RIN2: variants seen among roughly 807,000 people sequenced by gnomAD.
RIN2 encodes the protein RAB5 interacting protein 2.
A neutral mutation model predicts 78.0 loss-of-function variants in RIN2; 36 were observed. The ratio of observed to expected loss-of-function variants is 0.46; its 90% CI spans 0.35 to 0.61. The LOEUF is 0.61. Among genes scored for constraint, RIN2 ranks in the 20% least tolerant of loss-of-function variants. The probability of loss-of-function intolerance (pLI) is 0.00; values close to 1 mark genes in which losing one functional copy is unlikely to be tolerated. For missense variants in RIN2, 1,087 were observed against 1,159.7 expected (o/e 0.94, Z 0.91); for synonymous variants, 466 against 466.8 (o/e 1.00, Z 0.02).
chr20:19,792,091 G>C (rs2034904356), intron 1 of RIN2, among the ~76,000 whole-genome samples: 1 of 152,150 alleles, frequency 6.6e-6, no homozygotes, highest in African/African-American at 2.4e-5. Flanking sequence ...AGGCCAAGTG[G>C]ACAGTATGAG....
intron 2 of RIN2, among the ~76,000 whole-genome samples, chr20:19,844,656 T>TCTTCCTC (rs1555832256): frequency 7.2e-6 from 1 of 138,832 alleles, no homozygotes; most frequent in African/African-American, 2.8e-5. Flanking sequence ...TTCTTCTTCT[T>TCTTCCTC]CTTCTTCTTC....
intron 2 of RIN2, among the ~76,000 whole-genome samples, chr20:19,863,342 C>G (rs1208844461): frequency 6.6e-6 from 1 of 152,170 alleles, no homozygotes; most frequent in Non-Finnish European, 1.5e-5. Flanking sequence ...GTGCCTCACC[C>G]TTCTGCCCTG....
At chr20:19,965,156 A>T (rs2041895950) in intron 7 of RIN2, 132 bp downstream of exon 7, 2 of 731,794 alleles carry the variant, frequency 2.7e-6, no homozygotes, top group African/African-American at 3.5e-5. Flanking sequence ...TGGTTACTTA[A>T]GTAAAATGTT....
At chr20:19,860,171 G>A (rs1306351221) in intron 2 of RIN2, among the ~76,000 whole-genome samples, 1 of 152,136 alleles carries the variant, frequency 6.6e-6, no homozygotes, top group Non-Finnish European at 1.5e-5. Flanking sequence ...ATAGCATTAG[G>A]TCCCACCACC....
intron 3 of RIN2, among the ~76,000 whole-genome samples, chr20:19,924,476 C>CCACCTTCATACCCTCACCTTCATACCCT (rs2040117426): frequency 9.8e-5 from 4 of 40,672 alleles, no homozygotes; most frequent in African/African-American, 3.1e-4. Flanking sequence ...CTTCATACCC[C>CCACCTTCATACCCTCACCTTCATACCCT]CACCTTCATA....
intron 4 of RIN2, among the ~76,000 whole-genome samples, chr20:19,936,565 A>G (rs2040653075): frequency 6.6e-6 from 1 of 152,160 alleles, no homozygotes; most frequent in Non-Finnish European, 1.5e-5. Flanking sequence ...GATGACAGAC[A>G]CCCAGACACA....
chr20:19,786,583 C>A (rs1247529190), intron 1 of RIN2, among the ~76,000 whole-genome samples: 1 of 152,202 alleles, frequency 6.6e-6, no homozygotes, highest in Non-Finnish European at 1.5e-5. Flanking sequence ...TTCCTGAATT[C>A]CAGACACTCA....
rs1351636304 is a variant in RIN2, at chr20:19,889,470, A to G, written c.-36-96A>G. On this transcript the variant is annotated intron_variant, in intron 2 of 12. Coordinates refer to ENST00000255006, the MANE Select transcript of RIN2 (RefSeq NM_018993.4). ...AAATGGCACTGTGTTGTTGACGGAA[A>G]AAGATCTTGGCAGGACTGTTGTTGT... 2.1e-5 allele frequency: 27 copies of G among 1,276,740 alleles called. No individual in the cohort carries two copies. The East Asian group carries it at 5.5e-4, about 26-fold the overall frequency. 79.1% of individuals were successfully genotyped at this position (1,276,740 alleles called of 1,614,324 possible). A position where few individuals can be genotyped will look rare whatever the true frequency, so the allele number is the denominator to read the frequency against.
At chr20:19,864,497 A>G (rs1440739952) in intron 2 of RIN2, among the ~76,000 whole-genome samples, 1 of 152,192 alleles carries the variant, frequency 6.6e-6, no homozygotes, top group African/African-American at 2.4e-5. Context: ...TCCCTCCTCC[A>G]AAGCAGACAG....
chr20:19,984,433 A>C (rs2042563330), intron 9 of RIN2, among the ~76,000 whole-genome samples: 3 of 152,152 alleles, frequency 2.0e-5, no homozygotes, highest in Non-Finnish European at 4.4e-5. Context: ...ATATCTAAAC[A>C]CGTCTAAACA....
intron 3 of RIN2, among the ~76,000 whole-genome samples, chr20:19,928,758 C>A (rs895002219): frequency 6.6e-6 from 1 of 152,128 alleles, no homozygotes; most frequent in Admixed American, 6.5e-5. Context: ...GTGGACCCAA[C>A]CCCTGACCTG....
At chr20:19,813,750 T>C (rs2035677042) in intron 2 of RIN2, among the ~76,000 whole-genome samples, 1 of 152,228 alleles carries the variant, frequency 6.6e-6, no homozygotes, top group African/African-American at 2.4e-5. Flanking sequence ...ATTTTAAATA[T>C]ATAAAAAGCA....
intron 2 of RIN2, among the ~76,000 whole-genome samples, chr20:19,846,407 AGTAGTG>A (rs1275320948): frequency 6.6e-6 from 1 of 151,784 alleles, no homozygotes; most frequent in Non-Finnish European, 1.5e-5. Context: ...TATTTCCTTG[AGTAGTG>A]GTTTGTAGTT....
At chr20:19,893,304 T>C (rs1326388312) in intron 3 of RIN2, among the ~76,000 whole-genome samples, 3 of 152,226 alleles carry the variant, frequency 2.0e-5, no homozygotes, top group Non-Finnish European at 2.9e-5. Context: ...TTGGAGAGGA[T>C]GCTTTCATAA....
At chr20:19,908,599 T>A (rs1231192224) in intron 3 of RIN2, among the ~76,000 whole-genome samples, 1 of 152,148 alleles carries the variant, frequency 6.6e-6, no homozygotes, top group South Asian at 2.1e-4. Context: ...ATTCCCAGCA[T>A]GCAGGTTAAT....
chr20:19,854,710 T>C (rs2037109026), intron 2 of RIN2, among the ~76,000 whole-genome samples: 1 of 152,240 alleles, frequency 6.6e-6, no homozygotes, highest in Admixed American at 6.5e-5. Context: ...AGAATGCTTG[T>C]GATTTTTGCA....
At chr20:19,915,447 T>C (rs115846140) in intron 3 of RIN2, among the ~76,000 whole-genome samples, 2,047 of 152,262 alleles carry the variant, frequency 0.013, 39 homozygotes, top group African/African-American at 0.047. Flanking sequence ...TCCTCAGCTG[T>C]GGGCAGAGAC....
At chr20:19,805,270 G>A (rs1292923405) in intron 2 of RIN2, among the ~76,000 whole-genome samples, 1 of 152,202 alleles carries the variant, frequency 6.6e-6, no homozygotes, top group African/African-American at 2.4e-5. Flanking sequence ...TACAGTCTGT[G>A]ACATGAGCAG....
intron 2 of RIN2, among the ~76,000 whole-genome samples, chr20:19,833,933 T>A (rs1205886092): frequency 6.6e-6 from 1 of 151,962 alleles, no homozygotes; most frequent in Non-Finnish European, 1.5e-5. Flanking sequence ...CCCTGCCCCC[T>A]CCTGCTTGTC....
Sources: gnomAD v4.1 joint callset for allele counts (sites outside exome capture counted in the v4.1 genomes callset) on GRCh38, gnomAD v4.1.1 for gene constraint, MANE v1.5 for transcripts, NCBI Gene and HGNC (gene_info 2026-07-23, HGNC 2026-07-21) for gene names.